CDC27: variants seen among roughly 807,000 people sequenced by gnomAD.
The protein encoded by CDC27 is cell division cycle protein 27 homolog.
Under a neutral mutation model 109.7 loss-of-function variants are expected in CDC27, and 27 were observed. The observed-to-expected ratio is 0.25, with a 90% CI of 0.18 to 0.34. The LOEUF (loss-of-function observed/expected upper bound fraction) is 0.34. Ranked by LOEUF, CDC27 falls within the 10% of genes least tolerant of loss-of-function variation. CDC27 has a pLI of 1.00. For synonymous variants in CDC27, 266 were observed against 333.9 expected (o/e 0.80, Z 2.22); for missense variants, 579 against 960.2 (o/e 0.60, Z 5.25).
Position 47,189,209 on chromosome 17 carries a change from GCC to G in CDC27, c.-39_-38del. The G allele has an allele frequency of 1.3e-6, 2 of 1,577,068 alleles. No individual in the cohort carries two copies. The highest frequency in any genetic ancestry group is 1.7e-6 in the Non-Finnish European group (2 of 1,146,558). On this transcript the variant is annotated 5_prime_UTR_variant, in exon 1 of 19. An upstream open reading frame in the 5' UTR loses its in-frame stop. Transcript: ENST00000066544. Reference sequence around the variant, plus strand: ...AGGCCCACTTTCTGCAGTGCCTCAGGCCCCCCCTGTAGCGGCTCCGGCCCGGC... The same window carrying G: ...AGGCCCACTTTCTGCAGTGCCTCAGGCCCCCTGTAGCGGCTCCGGCCCGGC...
intron 7 of CDC27, 34 bp from the exon 8 acceptor site, chr17:47,154,820 T>G (rs1373133946): frequency 9.9e-7 from 1 of 1,011,506 alleles, no homozygotes; most frequent in South Asian, 1.3e-5. Flanking sequence ...TGTCAAAAAG[T>G]CATCAAGGCA....
chr17:47,169,645 CAAAA>C (rs373074410), intron 4 of CDC27, among the ~76,000 whole-genome samples: 1,783 of 60,130 alleles, frequency 0.03, 41 homozygotes, highest in African/African-American at 0.09. Flanking sequence ...AACTCCATCT[CAAAA>C]AAAAAAAAAA....
intron 14 of CDC27, among the ~76,000 whole-genome samples, chr17:47,132,884 C>A (rs996892606): frequency 7.1e-6 from 1 of 141,330 alleles, no homozygotes; most frequent in Admixed American, 7.2e-5. Context: ...ATCAATCCTC[C>A]CACCTCAGCA....
intron 8 of CDC27, 53 bp from the exon 9 acceptor site, chr17:47,151,971 G>A (rs781080212): frequency 5.3e-6 from 8 of 1,508,090 alleles, no homozygotes; most frequent in Non-Finnish European, 7.1e-6. Context: ...CACTGTAAAT[G>A]ATAAAAGACA....
chr17:47,163,179 T>C (rs1466672795), intron 4 of CDC27, among the ~76,000 whole-genome samples: 1 of 152,156 alleles, frequency 6.6e-6, no homozygotes, highest in Non-Finnish European at 1.5e-5. Flanking sequence ...TTAGTATCAG[T>C]TGTGTCCTAA....
Position 47,143,984 on chromosome 17 carries a change from T to TA in CDC27, c.1071-3dup, listed in dbSNP as rs11570517. The TA allele has an allele frequency of 3.9e-4, 517 of 1,318,152 alleles. No individual in the cohort carries two copies. Among genetic ancestry groups the TA allele is most frequent in the African/African-American group, 8.3e-4 (55 of 66,450 alleles). 81.7% of individuals were successfully genotyped at this position (1,318,152 alleles called of 1,614,324 possible). On this transcript the variant is annotated splice_polypyrimidine_tract_variant and splice_region_variant and intron_variant, in intron 9 of 18. Coordinates refer to ENST00000066544, the MANE Select transcript of CDC27 (RefSeq NM_001256.6). ...GGGCTCAATACCTGAGGTGTTGTAC[T>TA]AAAAAAAAATTATAAAGGAAGACAT...
At chr17:47,165,539 TGAGA>T (rs1030064528) in intron 4 of CDC27, among the ~76,000 whole-genome samples, 3 of 152,240 alleles carry the variant, frequency 2.0e-5, no homozygotes, top group African/African-American at 7.2e-5. Flanking sequence ...CTTTTATTAC[TGAGA>T]GAGTTCTTTA....
rs1361777166 is a variant in CDC27, at chr17:47,140,521, T to C, written c.1551+1332A>G. Among the ~76,000 whole-genome samples the C allele has an allele frequency of 4.6e-5, 7 of 152,248 alleles. No individual in the cohort carries two copies. The East Asian group carries it at 1.2e-3, about 25-fold the overall frequency. On this transcript the variant is annotated intron_variant, in intron 12 of 18. Coordinates refer to ENST00000066544, the MANE Select transcript of CDC27 (RefSeq NM_001256.6). ...AGAATCTGTTGCTTCCTCTGAAAAA[T>C]GATTATGGCATAGACAAAAAGAAAA...
At chr17:47,162,196 A>G (rs1011331729) in intron 4 of CDC27, 3 of 152,194 alleles carry the variant, frequency 2.0e-5, no homozygotes, top group Admixed American at 6.5e-5. Context: ...TTCACAGCCA[A>G]TCAGCAACGA....
intron 4 of CDC27, among the ~76,000 whole-genome samples, chr17:47,167,609 C>T (rs191299996): frequency 2.0e-5 from 3 of 152,282 alleles, no homozygotes; most frequent in Admixed American, 6.5e-5. Flanking sequence ...ATAATAAAAA[C>T]GAACTTTGAG....
At position 47,158,323 on chromosome 17, in the gene CDC27, G is replaced by A. The variant is rs967024174; in HGVS notation, c.378-20C>T. On this transcript the variant is annotated intron_variant, in intron 4 of 18. Coordinates refer to ENST00000066544, the MANE Select transcript of CDC27 (RefSeq NM_001256.6). ...GTCTTGCTGTGGAGAGAAACAAGTAGATTAAATAAGCTACAAACCCCAAAA... is the reference window on the plus strand; with the variant it reads ...GTCTTGCTGTGGAGAGAAACAAGTAAATTAAATAAGCTACAAACCCCAAAA... The A allele has an allele frequency of 1.5e-6, 2 of 1,332,906 alleles. No individual in the cohort carries two copies. The highest frequency in any genetic ancestry group is 2.0e-6 in the Non-Finnish European group (2 of 983,600). The allele number at this position is 1,332,906 out of a possible 1,614,324, so 82.6% of individuals were successfully genotyped here.
At chr17:47,157,441 T>G in intron 5 of CDC27, 57 bp from the exon 6 acceptor site, 1 of 1,358,080 alleles carries the variant, frequency 7.4e-7, no homozygotes, top group Non-Finnish European at 1.0e-6. Context: ...ATACATGTTT[T>G]TCAAGTATGC....
rs189755094 is a variant in CDC27, at chr17:47,164,535, C to T, written c.377+5382G>A. On this transcript the variant is annotated intron_variant, in intron 4 of 18. Coordinates refer to ENST00000066544, the MANE Select transcript of CDC27 (RefSeq NM_001256.6). ...GACATTAGTACAAAACTGTAAACTACGCTGGACACGGTGGCTCATGACTGT... is the reference window on the plus strand; with the variant it reads ...GACATTAGTACAAAACTGTAAACTATGCTGGACACGGTGGCTCATGACTGT... Among the ~76,000 whole-genome samples the T allele has an allele frequency of 7.9e-5, 12 of 152,140 alleles. No individual in the cohort carries two copies. The East Asian group carries it at 1.4e-3, about 17-fold the overall frequency.
chr17:47,130,143 C>T (rs202094301), intron 15 of CDC27, among the ~76,000 whole-genome samples: 3 of 152,212 alleles, frequency 2.0e-5, no homozygotes, highest in Admixed American at 6.5e-5. Context: ...AGGTGGATCA[C>T]GAGGTCAGGA....
intron 2 of CDC27, among the ~76,000 whole-genome samples, chr17:47,177,517 G>A (rs901428679): frequency 6.6e-6 from 1 of 152,124 alleles, no homozygotes; most frequent in Non-Finnish European, 1.5e-5. Flanking sequence ...GCAGTCAGCC[G>A]AGATTGGGCC....
intron 2 of CDC27, among the ~76,000 whole-genome samples, chr17:47,179,549 T>C (rs979602743): frequency 2.6e-5 from 4 of 152,210 alleles, no homozygotes; most frequent in Non-Finnish European, 4.4e-5. Context: ...GATAGGATTA[T>C]TGAAGATTAA....
At chr17:47,134,071 T>C (rs576311134) in intron 14 of CDC27, among the ~76,000 whole-genome samples, 19 of 152,078 alleles carry the variant, frequency 1.2e-4, no homozygotes, top group Admixed American at 4.6e-4. Flanking sequence ...AACATATTTT[T>C]AATTTTTTGT....
intron 4 of CDC27, among the ~76,000 whole-genome samples, chr17:47,164,495 C>T (rs1157405090): frequency 6.6e-6 from 1 of 152,148 alleles, no homozygotes; most frequent in Non-Finnish European, 1.5e-5. Context: ...GTACAGTTAT[C>T]AAAACTAGGA....
intron 9 of CDC27, among the ~76,000 whole-genome samples, chr17:47,148,541 T>A (rs1216374013): frequency 6.6e-5 from 10 of 152,212 alleles, no homozygotes; most frequent in Non-Finnish European, 7.4e-5. Context: ...CCAACTATTA[T>A]GAAAACTATA....
Sources: gnomAD v4.1 joint callset for allele counts (sites outside exome capture counted in the v4.1 genomes callset) on GRCh38, gnomAD v4.1.1 for gene constraint, MANE v1.5 for transcripts, NCBI Gene and HGNC (gene_info 2026-07-23, HGNC 2026-07-21) for gene names.